PDE10A: variants seen among roughly 807,000 people sequenced by gnomAD.
PDE10A encodes the protein cAMP and cAMP-inhibited cGMP 3',5'-cyclic phosphodiesterase 10A.
A neutral mutation model predicts 97.7 loss-of-function variants in PDE10A; 39 were observed. The ratio of observed to expected loss-of-function variants is 0.40; its 90% CI spans 0.31 to 0.52. The LOEUF is 0.52. Ranked by LOEUF, PDE10A falls within the 20% of genes least tolerant of loss-of-function variation. PDE10A has a pLI of 0.56. For missense variants in PDE10A, 731 were observed against 1,047.8 expected (o/e 0.70, Z 4.17); for synonymous variants, 371 against 376.8 (o/e 0.98, Z 0.18).
intron 1 of PDE10A, chr6:165,773,144 C>T (rs570361137): frequency 3.9e-5 from 6 of 152,288 alleles, no homozygotes; most frequent in African/African-American, 1.4e-4. Context: ...TACGCACATC[C>T]GTATCTGGTC....
chr6:165,535,667 T>C (rs928712043), intron 2 of PDE10A, among the ~76,000 whole-genome samples: 4 of 151,734 alleles, frequency 2.6e-5, no homozygotes, highest in African/African-American at 4.8e-5. Flanking sequence ...AGCACTTAGA[T>C]TGGTTCCATA....
At chr6:165,740,316 A>AG (rs1792686917) in intron 1 of PDE10A, among the ~76,000 whole-genome samples, 2 of 146,566 alleles carry the variant, frequency 1.4e-5, no homozygotes, top group Non-Finnish European at 3.0e-5. Flanking sequence ...TATGGAGAGA[A>AG]AGAGAGAGAG....
At chr6:165,938,683 G>C (rs888565290) in intron 1 of PDE10A, among the ~76,000 whole-genome samples, 2 of 151,914 alleles carry the variant, frequency 1.3e-5, no homozygotes, top group Non-Finnish European at 2.9e-5. Context: ...GCTTACTCAA[G>C]AAATAGATTT....
rs1254864652 is a variant in PDE10A, at chr6:165,620,473, G to T, written c.865+41474C>A. Among the ~76,000 whole-genome samples the T allele has an allele frequency of 2.6e-5, 4 of 152,336 alleles. No individual in the cohort carries two copies. The South Asian group carries it at 6.2e-4, about 24-fold the overall frequency. Reference sequence around the variant, plus strand: ...CCAGGGAATCTGCAGTCAGGTCACTGTGGAAAACCTAGCTGTTCCCTTCTT... The same window carrying T: ...CCAGGGAATCTGCAGTCAGGTCACTTTGGAAAACCTAGCTGTTCCCTTCTT... On this transcript the variant is annotated intron_variant, in intron 1 of 21. Coordinates refer to ENST00000539869, the MANE Select transcript of PDE10A (RefSeq NM_001385079.1).
intron 18 of PDE10A, among the ~76,000 whole-genome samples, chr6:165,373,453 T>C (rs1784400076): frequency 6.6e-6 from 1 of 152,128 alleles, no homozygotes; most frequent in African/African-American, 2.4e-5. Context: ...AAGAAGACAT[T>C]TATGCAGCCA....
At position 165,961,238 on chromosome 6, in the gene PDE10A, AC is replaced by A. The variant is rs750266028; in HGVS notation, c.-615+26290del. Among the ~76,000 whole-genome samples, 73 of 152,266 alleles carry A rather than the reference AC, an allele frequency of 4.8e-4. 1 individual carries two copies. The highest frequency in any genetic ancestry group is 1.2e-3 in the South Asian group (6 of 4,814). On this transcript the variant is annotated intron_variant, in intron 1 of 19. Transcript: ENST00000366882. ...ACCCTCTGAATTTCAGTCCCAAAAAACAAATAGGATGTCACTACATAGCATG... is the reference window on the plus strand; with the variant it reads ...ACCCTCTGAATTTCAGTCCCAAAAAAAAATAGGATGTCACTACATAGCATG...
intron 5 of PDE10A, among the ~76,000 whole-genome samples, chr6:165,441,199 C>T (rs936497251): frequency 3.3e-5 from 5 of 152,146 alleles, no homozygotes; most frequent in Non-Finnish European, 5.9e-5. Context: ...GAAATATTGT[C>T]TTCTCATCAT....
At chr6:165,798,922 G>A (rs1047405123) in intron 1 of PDE10A, among the ~76,000 whole-genome samples, 14 of 152,132 alleles carry the variant, frequency 9.2e-5, no homozygotes, top group Non-Finnish European at 2.1e-4. Flanking sequence ...TGGCCAGGCT[G>A]GTCTGGAACT....
intron 1 of PDE10A, among the ~76,000 whole-genome samples, chr6:165,718,720 T>C (rs1259526826): frequency 6.6e-6 from 1 of 151,834 alleles, no homozygotes; most frequent in African/African-American, 2.4e-5. Flanking sequence ...CCTGCAGTTA[T>C]TGAAGTTTAG....
chr6:165,522,181 T>C (rs1782168012), intron 2 of PDE10A, among the ~76,000 whole-genome samples: 2 of 152,168 alleles, frequency 1.3e-5, no homozygotes, highest in Non-Finnish European at 2.9e-5. Flanking sequence ...GAAAAGGTCC[T>C]GTGTATGTGA....
intron 1 of PDE10A, among the ~76,000 whole-genome samples, chr6:165,877,065 T>G (rs1478473421): frequency 6.6e-6 from 1 of 152,220 alleles, no homozygotes; most frequent in African/African-American, 2.4e-5. Context: ...TGCCTGGTGT[T>G]TTTAGTTTGA....
chr6:165,933,120 T>C (rs11758588), intron 1 of PDE10A, among the ~76,000 whole-genome samples: 20,481 of 152,118 alleles, frequency 0.13, 2,016 homozygotes, highest in African/African-American at 0.27. Flanking sequence ...GCAGCAAGTC[T>C]TGTGGTAAAG....
intron 1 of PDE10A, among the ~76,000 whole-genome samples, chr6:165,918,658 C>T (rs1031568259): frequency 6.6e-6 from 1 of 152,194 alleles, no homozygotes; most frequent in African/African-American, 2.4e-5. Context: ...AAAGCACATT[C>T]GTTGACATTC....
chr6:165,527,812 A>G (rs1172387342), intron 2 of PDE10A, among the ~76,000 whole-genome samples: 1 of 152,176 alleles, frequency 6.6e-6, no homozygotes, highest in East Asian at 1.9e-4. Flanking sequence ...TCTCTTCCTC[A>G]GTCTGTCAGT....
intron 1 of PDE10A, among the ~76,000 whole-genome samples, chr6:165,624,581 C>T (rs570920542): frequency 6.6e-6 from 1 of 152,304 alleles, no homozygotes; most frequent in South Asian, 2.1e-4. Flanking sequence ...CCCTAAGTCA[C>T]TGAGGCTGAT....
chr6:165,667,632 G>A (rs1790530037), upstream of PDE10A, among the ~76,000 whole-genome samples: 1 of 150,186 alleles, frequency 6.7e-6, no homozygotes, highest in Non-Finnish European at 1.5e-5. Context: ...AAGGGGTTAT[G>A]TGTGTTTCTT....
At chr6:165,653,556 T>A (rs1334420099) in intron 1 of PDE10A, among the ~76,000 whole-genome samples, 1 of 152,172 alleles carries the variant, frequency 6.6e-6, no homozygotes, top group African/African-American at 2.4e-5. Flanking sequence ...CTGCAGGGCC[T>A]GAGAGCTCCA....
At chr6:165,412,866 G>A (rs957711421) in intron 13 of PDE10A, among the ~76,000 whole-genome samples, 28 of 151,914 alleles carry the variant, frequency 1.8e-4, no homozygotes, top group Admixed American at 1.4e-3. Context: ...ATTATTAAAG[G>A]ATTACTAGAG....
intron 3 of PDE10A, among the ~76,000 whole-genome samples, chr6:165,457,312 G>A (rs1047443459): frequency 2.6e-5 from 4 of 151,148 alleles, no homozygotes; most frequent in Non-Finnish European, 4.4e-5. Context: ...TGCAGCATTC[G>A]TAATTCGAGA....
Sources: gnomAD v4.1 joint callset for allele counts (sites outside exome capture counted in the v4.1 genomes callset) on GRCh38, gnomAD v4.1.1 for gene constraint, MANE v1.5 for transcripts, NCBI Gene and HGNC (gene_info 2026-07-23, HGNC 2026-07-21) for gene names.